MAST4: variants seen among roughly 807,000 people sequenced by gnomAD.
The protein encoded by MAST4 is microtubule associated serine/threonine kinase family member 4.
Under a neutral mutation model 162.7 loss-of-function variants are expected in MAST4, and 89 were observed. That is an observed-to-expected ratio of 0.55 (90% CI 0.46 to 0.65). MAST4 has a LOEUF of 0.65. Among genes scored for constraint, MAST4 ranks in the 30% least tolerant of loss-of-function variants. The pLI is 0.00. For missense variants in MAST4, 3,153 were observed against 3,374.0 expected (o/e 0.93, Z 1.62); for synonymous variants, 1,479 against 1,361.1 (o/e 1.09, Z -1.91).
chr5:67,089,262 G>GAT (rs1554095895), intron 5 of MAST4, among the ~76,000 whole-genome samples: 3 of 152,194 alleles, frequency 2.0e-5, no homozygotes, highest in Non-Finnish European at 4.4e-5. Context: ...CATGCAGAGG[G>GAT]AAGCAGGGTG....
chr5:66,625,351 ATTCCTCAT>A, intron 1 of MAST4, among the ~76,000 whole-genome samples: 1 of 152,222 alleles, frequency 6.6e-6, no homozygotes, highest in Non-Finnish European at 1.5e-5. Flanking sequence ...TAAATACAAT[ATTCCTCAT>A]GGCAGCACTG....
intron 3 of MAST4, among the ~76,000 whole-genome samples, chr5:66,883,350 C>T (rs920988734): frequency 1.3e-5 from 2 of 150,308 alleles, no homozygotes; most frequent in East Asian, 3.9e-4. Context: ...GGAAATTTGC[C>T]AATAGGGAAA....
chr5:66,870,271 A>T (rs540116261), intron 3 of MAST4, among the ~76,000 whole-genome samples: 1 of 152,278 alleles, frequency 6.6e-6, no homozygotes, highest in Admixed American at 6.5e-5. Flanking sequence ...TTCTGCCAGG[A>T]TGATGGACAC....
At chr5:66,703,607 A>G (rs1749922283) in intron 1 of MAST4, among the ~76,000 whole-genome samples, 1 of 152,196 alleles carries the variant, frequency 6.6e-6, no homozygotes, top group Non-Finnish European at 1.5e-5. Context: ...TATACTTTAT[A>G]CACATAAAAT....
At chr5:66,818,925 T>G (rs1580529037) in intron 3 of MAST4, among the ~76,000 whole-genome samples, 1 of 152,356 alleles carries the variant, frequency 6.6e-6, no homozygotes, top group South Asian at 2.1e-4. Flanking sequence ...GTCTCTTTTC[T>G]TTCTACTTCT....
intron 1 of MAST4, among the ~76,000 whole-genome samples, chr5:66,690,276 C>T (rs980125898): frequency 2.0e-5 from 3 of 152,122 alleles, no homozygotes; most frequent in South Asian, 2.1e-4. Context: ...ACTTTGGAAA[C>T]GCTTGTCAGG....
intron 5 of MAST4, among the ~76,000 whole-genome samples, chr5:67,058,594 A>G (rs1411859138): frequency 6.6e-6 from 1 of 152,246 alleles, no homozygotes; most frequent in Non-Finnish European, 1.5e-5. Flanking sequence ...AGTTGTTACA[A>G]AGAACAAGGT....
intron 24 of MAST4, 55 bp from the exon 25 acceptor site, chr5:67,152,582 G>T: frequency 2.0e-6 from 3 of 1,467,704 alleles, no homozygotes; most frequent in Non-Finnish European, 2.9e-6. Flanking sequence ...AGGGTTGCCT[G>T]CATGGATGCT....
chr5:66,827,641 A>G (rs1438367570), intron 3 of MAST4, among the ~76,000 whole-genome samples: 1 of 152,232 alleles, frequency 6.6e-6, no homozygotes, highest in Non-Finnish European at 1.5e-5. Flanking sequence ...TTTAAACATC[A>G]CTAGATAACT....
At chr5:66,862,611 A>G (rs1437790132) in intron 3 of MAST4, among the ~76,000 whole-genome samples, 1 of 152,216 alleles carries the variant, frequency 6.6e-6, no homozygotes, top group African/African-American at 2.4e-5. Flanking sequence ...GTCAAGGTAA[A>G]TGTTTTCTAA....
chr5:67,125,631 T>G (rs1581649942), intron 14 of MAST4, among the ~76,000 whole-genome samples: 1 of 152,206 alleles, frequency 6.6e-6, no homozygotes, highest in Non-Finnish European at 1.5e-5. Flanking sequence ...ACATGCCACA[T>G]TTTCCTTATC....
rs190273101 is a variant in MAST4, at chr5:66,752,144, A to G, written c.364-7565A>G. On this transcript the variant is annotated intron_variant, in intron 1 of 28. Coordinates refer to ENST00000403625, the MANE Select transcript of MAST4 (RefSeq NM_001164664.2). ...TGCCCTAAAAGAGCTCCTGAAGGAA[A>G]CACTAAACATGGAAAGGAACAACCG... 6.8e-3 allele frequency among the ~76,000 whole-genome samples: 1,032 copies of G among 151,380 alleles called. 8 individuals carry two copies. Among genetic ancestry groups the G allele is most frequent in the South Asian group, 0.034 (159 of 4,678 alleles).
intron 4 of MAST4, among the ~76,000 whole-genome samples, chr5:66,957,515 A>G (rs1745464557): frequency 6.6e-6 from 1 of 150,530 alleles, no homozygotes; most frequent in Non-Finnish European, 1.5e-5. Flanking sequence ...TACTTTTTAC[A>G]TCTCTAGCTG....
chr5:66,962,324 G>A (rs544583711), intron 4 of MAST4, among the ~76,000 whole-genome samples: 1 of 152,316 alleles, frequency 6.6e-6, no homozygotes, highest in East Asian at 1.9e-4. Flanking sequence ...CATGCCCATA[G>A]TTCTTGCTAC....
At chr5:67,031,532 G>A (rs1375704342) in intron 4 of MAST4, among the ~76,000 whole-genome samples, 4 of 152,178 alleles carry the variant, frequency 2.6e-5, no homozygotes, top group East Asian at 3.9e-4. Flanking sequence ...GACATGATTT[G>A]CAAAATTTTT....
At chr5:66,657,422 A>G (rs1359397820) in intron 1 of MAST4, among the ~76,000 whole-genome samples, 1 of 152,234 alleles carries the variant, frequency 6.6e-6, no homozygotes, top group African/African-American at 2.4e-5. Flanking sequence ...TTGTATCCTC[A>G]TGGAATAAAT....
At position 66,952,568 on chromosome 5, in the gene MAST4, A is replaced by G. The variant is rs1744833294; in HGVS notation, c.674+52586A>G. On this transcript the variant is annotated intron_variant, in intron 4 of 28. Transcript: ENST00000403625. The stretch of plus-strand genomic sequence containing the variant: ...TTATTCTACTCTCCCTGCTTCGCCA[A>G]ATGATACAATCCTTGAGACCCAAAC... 3.3e-5 allele frequency among the ~76,000 whole-genome samples: 5 copies of G among 152,266 alleles called. No homozygotes were observed. The South Asian group carries it at 1.0e-3, about 32-fold the overall frequency.
At chr5:66,649,953 A>G (rs1171888101) in intron 1 of MAST4, among the ~76,000 whole-genome samples, 1 of 151,768 alleles carries the variant, frequency 6.6e-6, no homozygotes. Context: ...TTGGCTTCTC[A>G]CTTTCAGGGC....
intron 24 of MAST4, among the ~76,000 whole-genome samples, chr5:67,151,314 G>T (rs547648890): frequency 6.7e-6 from 1 of 148,882 alleles, no homozygotes; most frequent in African/African-American, 2.6e-5. Context: ...ACAAGGGCTT[G>T]TTCCTCATGG....
Sources: allele counts gnomAD v4.1 joint callset (sites outside exome capture counted in the v4.1 genomes callset), GRCh38; gene constraint gnomAD v4.1.1; transcripts MANE v1.5; gene names NCBI Gene and HGNC (gene_info 2026-07-23, HGNC 2026-07-21).